The following PDE1C variants were observed in gnomAD, a reference collection of about 807,000 sequenced individuals.
The protein encoded by PDE1C is dual specificity calcium/calmodulin-dependent 3',5'-cyclic nucleotide phosphodiesterase 1C.
In PDE1C, 62 loss-of-function variants were observed where a neutral mutation model predicts 93.1. The observed-to-expected ratio is 0.67, with a 90% CI of 0.54 to 0.82. The LOEUF is 0.82. Among genes scored for constraint, PDE1C ranks in the 40% least tolerant of loss-of-function variants. PDE1C has a pLI of 0.00. For missense variants in PDE1C, 742 were observed against 884.6 expected, an observed-to-expected ratio of 0.84 and a Z score of 2.04; for synonymous variants, 325 against 310.1, an observed-to-expected ratio of 1.05 and a Z score of -0.50.
chr7:31,651,307 C>G, the PDE1C span: 1 of 1,603,510 alleles, frequency 6.2e-7, no homozygotes, highest in South Asian at 1.1e-5. Flanking sequence ...AAGTACCAGC[C>G]CACACACCTG....
intron 1 of PDE1C, among the ~76,000 whole-genome samples, chr7:32,269,379 C>T (rs561162215): frequency 6.6e-6 from 1 of 152,286 alleles, no homozygotes; most frequent in East Asian, 1.9e-4. Flanking sequence ...ATAATGTACA[C>T]CTCTTAAAAA....
At chr7:31,773,799 G>C (rs867565535) in intron 17 of PDE1C, among the ~76,000 whole-genome samples, 2 of 152,090 alleles carry the variant, frequency 1.3e-5, no homozygotes, top group African/African-American at 4.8e-5. Context: ...GGCAGCACTG[G>C]GGGCAGAAAG....
At chr7:32,403,454 G>A (rs941153035) in intron 1 of PDE1C, among the ~76,000 whole-genome samples, 1 of 152,112 alleles carries the variant, frequency 6.6e-6, no homozygotes, top group African/African-American at 2.4e-5. Context: ...TTGGATCCTG[G>A]GCAGTGAGAG....
intron 2 of PDE1C, among the ~76,000 whole-genome samples, chr7:31,935,004 C>T (rs562722540): frequency 6.6e-6 from 1 of 152,170 alleles, no homozygotes; most frequent in African/African-American, 2.4e-5. Context: ...AAACTAATCT[C>T]ATTTCTAGAA....
At chr7:32,287,955 C>T (rs969700821) in intron 1 of PDE1C, among the ~76,000 whole-genome samples, 1 of 152,206 alleles carries the variant, frequency 6.6e-6, no homozygotes, top group Non-Finnish European at 1.5e-5. Flanking sequence ...GTAATCCCAA[C>T]ACTTTAGGAG....
chr7:32,269,993 C>A (rs750080638), intron 1 of PDE1C, among the ~76,000 whole-genome samples: 3 of 151,966 alleles, frequency 2.0e-5, no homozygotes, highest in Non-Finnish European at 4.4e-5. Context: ...CTAGGCCAGT[C>A]TCAAACTCCT....
intron 9 of PDE1C, among the ~76,000 whole-genome samples, chr7:31,839,291 A>T (rs999880065): frequency 6.6e-6 from 1 of 150,802 alleles, no homozygotes; most frequent in African/African-American, 2.4e-5. Context: ...ATAGTCACAC[A>T]TTGAAAATAT....
At chr7:32,275,455 C>T (rs1028082073) in intron 1 of PDE1C, among the ~76,000 whole-genome samples, 2 of 152,142 alleles carry the variant, frequency 1.3e-5, no homozygotes, top group African/African-American at 4.8e-5. Context: ...TCTCCATGGC[C>T]TATACTTTGC....
intron 3 of PDE1C, among the ~76,000 whole-genome samples, chr7:32,121,508 C>G (rs980907032): frequency 6.6e-6 from 1 of 152,086 alleles, no homozygotes; most frequent in African/African-American, 2.4e-5. Context: ...CATAGGGAAG[C>G]CTAACAGACT....
At chr7:32,301,131 C>T (rs1235553500), upstream of PDE1C, among the ~76,000 whole-genome samples, 3 of 152,106 alleles carry the variant, frequency 2.0e-5, no homozygotes, top group African/African-American at 7.2e-5. Flanking sequence ...AGACACATGC[C>T]TGACCTTAAT....
intron 2 of PDE1C, among the ~76,000 whole-genome samples, chr7:32,185,349 G>T (rs1277587030): frequency 1.3e-5 from 2 of 151,302 alleles, no homozygotes; most frequent in Non-Finnish European, 2.9e-5. Flanking sequence ...TATACTTACA[G>T]ATTTGCAGTG....
chr7:32,155,201 T>C (rs1053794887), intron 3 of PDE1C, among the ~76,000 whole-genome samples: 4 of 152,224 alleles, frequency 2.6e-5, no homozygotes, highest in African/African-American at 9.6e-5. Flanking sequence ...TGGTTAACTG[T>C]GGGTTCTGGA....
chr7:31,713,266 T>C, the PDE1C span, among the ~76,000 whole-genome samples: 1 of 152,164 alleles, frequency 6.6e-6, no homozygotes, highest in Admixed American at 6.5e-5. Context: ...CCAGGGCCCA[T>C]GCAAGTCCCA....
At chr7:31,723,826 C>G in the PDE1C span, among the ~76,000 whole-genome samples, 4 of 152,204 alleles carry the variant, frequency 2.6e-5, no homozygotes, top group Non-Finnish European at 4.4e-5. Context: ...GCATCCTGGC[C>G]TCTCTGGCTG....
the PDE1C span, among the ~76,000 whole-genome samples, chr7:31,733,150 T>C: frequency 6.6e-6 from 1 of 152,230 alleles, no homozygotes; most frequent in Non-Finnish European, 1.5e-5. Context: ...CCTAGGTTGT[T>C]ACCTCTCAAA....
chr7:31,676,887 A>G, the PDE1C span, among the ~76,000 whole-genome samples: 3 of 152,182 alleles, frequency 2.0e-5, no homozygotes, highest in African/African-American at 7.2e-5. Context: ...AATCCTAAGA[A>G]ATGACTTTGG....
intron 2 of PDE1C, among the ~76,000 whole-genome samples, chr7:32,195,016 A>T (rs1273936584): frequency 6.6e-6 from 1 of 152,196 alleles, no homozygotes; most frequent in African/African-American, 2.4e-5. Context: ...TTGGAAGTGT[A>T]AGTAAAATGT....
At chr7:31,931,892 G>A (rs1804346153) in intron 2 of PDE1C, among the ~76,000 whole-genome samples, 1 of 152,058 alleles carries the variant, frequency 6.6e-6, no homozygotes, top group African/African-American at 2.4e-5. Context: ...GAACAGAACG[G>A]AGGTCTCACA....
chr7:32,056,368 A>AACACACACACACAC (rs375602478), intron 1 of PDE1C, among the ~76,000 whole-genome samples: 3 of 119,186 alleles, frequency 2.5e-5, no homozygotes, highest in African/African-American at 9.7e-5. Flanking sequence ...CTCTCACTGA[A>AACACACACACACAC]ACACACACAC....
Sources: gnomAD v4.1 joint callset for allele counts (sites outside exome capture counted in the v4.1 genomes callset) on GRCh38, gnomAD v4.1.1 for gene constraint, MANE v1.5 for transcripts, NCBI Gene and HGNC (gene_info 2026-07-23, HGNC 2026-07-21) for gene names.